SYTL5: variants seen among roughly 807,000 people sequenced by gnomAD.
The protein encoded by SYTL5 is synaptotagmin like 5.
In SYTL5, 34 loss-of-function variants were observed where a neutral mutation model predicts 55.9. The ratio of observed to expected loss-of-function variants is 0.61; its 90% CI spans 0.46 to 0.81. The LOEUF is 0.81. Among genes scored for constraint, SYTL5 ranks in the 30% least tolerant of loss-of-function variants. The probability of loss-of-function intolerance (pLI) is 0.00; values close to 1 mark genes in which losing one functional copy is unlikely to be tolerated. For missense variants in SYTL5, 637 were observed against 546.7 expected, an observed-to-expected ratio of 1.17 and a Z score of -1.65; for synonymous variants, 221 against 188.7, an observed-to-expected ratio of 1.17 and a Z score of -1.40.
the SYTL5 span, among the ~76,000 whole-genome samples, chrX:37,943,652 T>G: frequency 2.7e-5 from 3 of 111,529 alleles, no homozygotes; most frequent in Non-Finnish European, 5.7e-5. Context: ...TTCTTGCTTA[T>G]ACTTGATTCT....
At chrX:37,961,624 T>C in the SYTL5 span, among the ~76,000 whole-genome samples, 1 of 111,984 alleles carries the variant, frequency 8.9e-6, no homozygotes, top group South Asian at 3.7e-4. Flanking sequence ...CAAAAGAGTA[T>C]TATTCTTATG....
At chrX:37,921,391 G>A in the SYTL5 span, among the ~76,000 whole-genome samples, 4 of 110,608 alleles carry the variant, frequency 3.6e-5, no homozygotes, top group Non-Finnish European at 5.7e-5. Context: ...TTACAGATCC[G>A]GGAACCTCTT....
At chrX:38,057,810 T>C (rs1345011393) in intron 3 of SYTL5, among the ~76,000 whole-genome samples, 2 of 111,670 alleles carry the variant, frequency 1.8e-5, no homozygotes, top group Non-Finnish European at 3.8e-5. Context: ...AATCTTTTAC[T>C]GATTTGAAGG....
the SYTL5 span, among the ~76,000 whole-genome samples, chrX:37,951,958 A>T: frequency 0.024 from 2,628 of 111,265 alleles, 74 homozygotes; most frequent in African/African-American, 0.081. Context: ...GTAATCCAGG[A>T]TCAAAGATAT....
chrX:37,894,603 A>C, the SYTL5 span, among the ~76,000 whole-genome samples: 1 of 111,741 alleles, frequency 8.9e-6, no homozygotes, highest in African/African-American at 3.3e-5. Context: ...CTGATGGCTG[A>C]TTTTATGTGT....
intron 2 of SYTL5, among the ~76,000 whole-genome samples, chrX:38,051,171 A>T (rs1935612355): frequency 8.9e-6 from 1 of 111,886 alleles, no homozygotes; most frequent in Non-Finnish European, 1.9e-5. Flanking sequence ...ATGTTGCTGA[A>T]TCCTATCTCC....
intron 1 of SYTL5, among the ~76,000 whole-genome samples, chrX:38,027,244 C>A (rs111572694): frequency 1.2e-4 from 13 of 112,124 alleles, no homozygotes; most frequent in African/African-American, 3.9e-4. Context: ...GCAATATATT[C>A]CACAACAGTA....
chrX:38,009,753 T>A (rs1237559326), intron 1 of SYTL5, among the ~76,000 whole-genome samples: 1 of 111,299 alleles, frequency 9.0e-6, no homozygotes, highest in East Asian at 2.8e-4. Context: ...ATTGGGGTAG[T>A]GAAAAGAACA....
chrX:37,997,820 C>T, the SYTL5 span, among the ~76,000 whole-genome samples: 4 of 112,428 alleles, frequency 3.6e-5, no homozygotes, highest in East Asian at 8.5e-4. Flanking sequence ...CAGACTGGAG[C>T]GGGAATGTGT....
the SYTL5 span, among the ~76,000 whole-genome samples, chrX:37,969,713 A>G: frequency 3.7e-5 from 4 of 108,030 alleles, no homozygotes; most frequent in African/African-American, 1.4e-4. Flanking sequence ...GCTCACTGCA[A>G]TCTTCACCTC....
At chrX:37,980,771 G>GA in the SYTL5 span, among the ~76,000 whole-genome samples, 41,747 of 110,555 alleles carry the variant, frequency 0.38, 6,492 homozygotes, top group African/African-American at 0.59. Flanking sequence ...TTCTGGACAA[G>GA]GTGACCAAGA....
At chrX:37,982,547 T>C in the SYTL5 span, among the ~76,000 whole-genome samples, 2 of 112,563 alleles carry the variant, frequency 1.8e-5, no homozygotes, top group Non-Finnish European at 3.8e-5. Context: ...AGTGTACATG[T>C]ATTTTTTCCT....
the SYTL5 span, among the ~76,000 whole-genome samples, chrX:37,969,645 T>G: frequency 9.0e-6 from 1 of 111,367 alleles, no homozygotes; most frequent in East Asian, 2.8e-4. Flanking sequence ...GGCCTTTCCG[T>G]TTTTTTTGAC....
At chrX:38,010,940 G>A (rs1934156966) in intron 1 of SYTL5, among the ~76,000 whole-genome samples, 1 of 111,369 alleles carries the variant, frequency 9.0e-6, no homozygotes, top group East Asian at 2.8e-4. Flanking sequence ...CAACATCATC[G>A]CCACTACCAT....
intron 2 of SYTL5, among the ~76,000 whole-genome samples, chrX:38,051,670 C>T (rs891624011): frequency 9.0e-6 from 1 of 110,850 alleles, no homozygotes; most frequent in Non-Finnish European, 1.9e-5. Context: ...GGATCTGTGC[C>T]TGCTTATGTT....
chrX:37,891,303 A>G, the SYTL5 span, among the ~76,000 whole-genome samples: 1 of 112,577 alleles, frequency 8.9e-6, no homozygotes, highest in South Asian at 3.7e-4. Context: ...AACAAAATAA[A>G]CGAACTAAGT....
At chrX:37,949,848 A>G in the SYTL5 span, among the ~76,000 whole-genome samples, 4 of 112,098 alleles carry the variant, frequency 3.6e-5, no homozygotes, top group South Asian at 1.5e-3. Flanking sequence ...TTATAATTGC[A>G]TGTGAACCAT....
chrX:37,906,090 C>G, the SYTL5 span: 2 of 112,750 alleles, frequency 1.8e-5, no homozygotes, highest in Non-Finnish European at 1.9e-5. Flanking sequence ...AGTGACTCAT[C>G]CCAGCAGGCT....
At chrX:37,910,877 C>T in the SYTL5 span, among the ~76,000 whole-genome samples, 1 of 110,189 alleles carries the variant, frequency 9.1e-6, no homozygotes, top group Admixed American at 9.6e-5. Context: ...GTATCTCTGA[C>T]ATTTTGAGAC....
Sources: gnomAD v4.1 joint callset for allele counts (sites outside exome capture counted in the v4.1 genomes callset) on GRCh38, gnomAD v4.1.1 for gene constraint, MANE v1.5 for transcripts, NCBI Gene and HGNC (gene_info 2026-07-23, HGNC 2026-07-21) for gene names.